Variants in TLN2 observed in about 807,000 individuals in gnomAD.
TLN2 encodes the protein talin-2.
TLN2 carries 118 observed loss-of-function variants against 294.7 expected under a neutral mutation model. The ratio of observed to expected loss-of-function variants is 0.40; its 90% CI spans 0.34 to 0.47. The LOEUF is 0.47. Among genes scored for constraint, TLN2 ranks in the 20% least tolerant of loss-of-function variants. The probability of loss-of-function intolerance (pLI) is 0.84; values close to 1 mark genes in which losing one functional copy is unlikely to be tolerated. For missense variants in TLN2, 3,083 were observed against 3,282.2 expected (o/e 0.94, Z 1.48); for synonymous variants, 1,431 against 1,304.5 (o/e 1.10, Z -2.09).
chr15:62,496,980 G>A (rs1031737156), intron 1 of TLN2, among the ~76,000 whole-genome samples: 6 of 152,116 alleles, frequency 3.9e-5, no homozygotes, highest in Non-Finnish European at 7.4e-5. Context: ...GTCTCCAGTC[G>A]TGCCTCCCTC....
chr15:62,806,729 C>G (rs2066312033), intron 51 of TLN2, among the ~76,000 whole-genome samples: 1 of 152,148 alleles, frequency 6.6e-6, no homozygotes, highest in Admixed American at 6.5e-5. Flanking sequence ...TAGGCCTTCC[C>G]CCTTCTTGGG....
Position 62,840,752 on chromosome 15 carries a change from A to G in TLN2, c.*142A>G. ...TGGAGCCCTGCGTGCTTGTTCTCAC[A>G]TCTCTGTCCCGTCGGCACTGGCTGC... On this transcript the variant is annotated 3_prime_UTR_variant, in exon 59 of 59. Coordinates refer to ENST00000636159, the MANE Select transcript of TLN2 (RefSeq NM_015059.3). The G allele has an allele frequency of 8.4e-7, 1 of 1,196,524 alleles. No homozygotes were observed. The highest frequency in any genetic ancestry group is 1.1e-6 in the Non-Finnish European group (1 of 875,946). The allele number at this position is 1,196,524 out of a possible 1,614,324, so 74.1% of individuals were successfully genotyped here. A position where few individuals can be genotyped will look rare whatever the true frequency, so the allele number is the denominator to read the frequency against.
intron 48 of TLN2, 42 bp downstream of exon 48, chr15:62,797,444 G>A (rs776196854): frequency 1.6e-5 from 25 of 1,538,656 alleles, no homozygotes; most frequent in East Asian, 1.1e-4. Context: ...CGGTCTTCCC[G>A]TGAACGCTGC....
chr15:62,599,872 G>A (rs938030118), intron 2 of TLN2, among the ~76,000 whole-genome samples: 1 of 152,168 alleles, frequency 6.6e-6, no homozygotes, highest in Non-Finnish European at 1.5e-5. Context: ...GGATTCAGAG[G>A]AGGTGGATTC....
chr15:62,420,439 C>T (rs1020150223), intron 1 of TLN2, among the ~76,000 whole-genome samples: 3 of 151,946 alleles, frequency 2.0e-5, no homozygotes, highest in Non-Finnish European at 4.4e-5. Flanking sequence ...CTCTGTCACC[C>T]AGGCTGGAGT....
At chr15:62,428,789 A>C (rs1409699491) in intron 1 of TLN2, among the ~76,000 whole-genome samples, 1 of 152,222 alleles carries the variant, frequency 6.6e-6, no homozygotes, top group Non-Finnish European at 1.5e-5. Flanking sequence ...TCGTGTGTTA[A>C]AGTGTGAATT....
intron 1 of TLN2, among the ~76,000 whole-genome samples, chr15:62,497,963 T>C (rs1367723202): frequency 6.6e-6 from 1 of 151,716 alleles, no homozygotes; most frequent in Non-Finnish European, 1.5e-5. Context: ...AAGTATGGAA[T>C]TTGGCCAGGT....
At chr15:62,712,177 T>A in intron 22 of TLN2, 100 bp downstream of exon 22, 1 of 1,444,992 alleles carries the variant, frequency 6.9e-7, no homozygotes, top group Non-Finnish European at 9.3e-7. Context: ...AGTGTGCATT[T>A]TTGTTTGCTT....
At chr15:62,734,962 C>T (rs946839302) in intron 28 of TLN2, among the ~76,000 whole-genome samples, 2 of 152,202 alleles carry the variant, frequency 1.3e-5, no homozygotes, top group African/African-American at 4.8e-5. Context: ...AGAGACCTTC[C>T]AGCTCAGTCC....
At chr15:62,634,973 A>T (rs1243109554) in intron 3 of TLN2, among the ~76,000 whole-genome samples, 1 of 152,206 alleles carries the variant, frequency 6.6e-6, no homozygotes, top group Non-Finnish European at 1.5e-5. Context: ...TCTATGCTAG[A>T]TGGTTTTTCT....
intron 1 of TLN2, among the ~76,000 whole-genome samples, chr15:62,491,438 C>T (rs1388678032): frequency 1.3e-5 from 2 of 149,978 alleles, no homozygotes; most frequent in Non-Finnish European, 3.0e-5. Context: ...AAAGGTGGGA[C>T]AACTGGAAGT....
chr15:62,799,165 C>T (rs1367868563), intron 48 of TLN2, among the ~76,000 whole-genome samples: 1 of 152,148 alleles, frequency 6.6e-6, no homozygotes, highest in East Asian at 1.9e-4. Context: ...AAGACCGTGG[C>T]CCTCATGCTC....
chr15:62,591,973 T>A (rs1026331274), intron 2 of TLN2, among the ~76,000 whole-genome samples: 8 of 152,018 alleles, frequency 5.3e-5, no homozygotes, highest in African/African-American at 1.9e-4. Flanking sequence ...GGGAAACACA[T>A]CAGATCTATG....
chr15:62,742,072 T>TGTGAGTGA (rs1555495864), intron 32 of TLN2, among the ~76,000 whole-genome samples: 4 of 142,408 alleles, frequency 2.8e-5, no homozygotes, highest in Non-Finnish European at 6.1e-5. Context: ...TGTGTGTGTG[T>TGTGAGTGA]GTGAAGGGTT....
intron 5 of TLN2, 98 bp from the exon 6 acceptor site, chr15:62,651,907 T>G: frequency 7.3e-7 from 1 of 1,368,190 alleles, no homozygotes; most frequent in Non-Finnish European, 9.7e-7. Flanking sequence ...CAGAGTCTAC[T>G]CTGATTTTTT....
intron 1 of TLN2, among the ~76,000 whole-genome samples, chr15:62,439,804 C>G (rs2035462158): frequency 6.6e-6 from 1 of 152,134 alleles, no homozygotes; most frequent in Non-Finnish European, 1.5e-5. Flanking sequence ...GGCCTTCATT[C>G]CAGTGAGCTT....
At chr15:62,571,138 C>T (rs2043834100) in intron 1 of TLN2, among the ~76,000 whole-genome samples, 1 of 152,202 alleles carries the variant, frequency 6.6e-6, no homozygotes, top group African/African-American at 2.4e-5. Flanking sequence ...ATTGCCATTC[C>T]TCCAGTGGTT....
intron 32 of TLN2, among the ~76,000 whole-genome samples, chr15:62,745,117 A>G (rs1033546727): frequency 3.3e-5 from 5 of 152,102 alleles, no homozygotes; most frequent in Admixed American, 1.3e-4. Context: ...TCACACTTCA[A>G]CTGAACCTAT....
chr15:62,555,449 G>A (rs898746698), intron 1 of TLN2, among the ~76,000 whole-genome samples: 1 of 152,160 alleles, frequency 6.6e-6, no homozygotes, highest in Non-Finnish European at 1.5e-5. Context: ...ATTAGATTGT[G>A]TCCCTCCTCA....
Sources: allele counts gnomAD v4.1 joint callset (sites outside exome capture counted in the v4.1 genomes callset), GRCh38; gene constraint gnomAD v4.1.1; transcripts MANE v1.5; gene names NCBI Gene and HGNC (gene_info 2026-07-23, HGNC 2026-07-21).